Variants in ZBBX observed in about 807,000 individuals in gnomAD.
ZBBX encodes zinc finger B-box domain containing.
In ZBBX, 101 loss-of-function variants were observed where a neutral mutation model predicts 108.5. That is an observed-to-expected ratio of 0.93 (90% CI 0.79 to 1.10). The LOEUF (loss-of-function observed/expected upper bound fraction) is 1.10. Among genes scored for constraint, ZBBX ranks in the 50% least tolerant of loss-of-function variants. The pLI, the probability that ZBBX is intolerant of heterozygous loss-of-function variation, is 0.00. For synonymous variants in ZBBX, 356 were observed against 323.4 expected, an observed-to-expected ratio of 1.10 and a Z score of -1.08; for missense variants, 1,009 against 941.4, an observed-to-expected ratio of 1.07 and a Z score of -0.94.
the ZBBX span, among the ~76,000 whole-genome samples, chr3:167,229,383 C>T: frequency 2.2e-4 from 34 of 151,908 alleles, no homozygotes; most frequent in South Asian, 6.6e-3. Flanking sequence ...TTATTTTTGT[C>T]TCTATTGTCT....
the ZBBX span, among the ~76,000 whole-genome samples, chr3:167,215,061 C>T: frequency 2.0e-5 from 3 of 151,860 alleles, no homozygotes; most frequent in East Asian, 1.9e-4. Context: ...AACCTAACTT[C>T]GCAACGGAAA....
At chr3:167,342,540 T>A (rs1190656227) in intron 9 of ZBBX, among the ~76,000 whole-genome samples, 1 of 151,670 alleles carries the variant, frequency 6.6e-6, no homozygotes, top group Non-Finnish European at 1.5e-5. Context: ...CATGCATCCA[T>A]CTGTATTATT....
intron 10 of ZBBX, chr3:167,331,588 G>A (rs1414767294): frequency 2.0e-6 from 2 of 985,246 alleles, no homozygotes. Context: ...AGCTGTGGCA[G>A]GGTAGAAAAA....
In ZBBX at chr3:167,391,860, T is replaced by C. The variant is rs948110753; in HGVS notation, c.-445-11455A>G. ...TGAAGATATATTAGAATTTTATATG[T>C]AGATAAATCAAGTAAATATATATAT... On this transcript the variant is annotated intron_variant, in intron 1 of 21. Transcript: ENST00000455345. 2.6e-5 allele frequency among the ~76,000 whole-genome samples: 4 copies of C among 151,988 alleles called. No individual in the cohort carries two copies. The East Asian group carries it at 7.7e-4, about 29-fold the overall frequency.
At chr3:167,304,995 A>G (rs1733374276) in intron 17 of ZBBX, among the ~76,000 whole-genome samples, 1 of 152,112 alleles carries the variant, frequency 6.6e-6, no homozygotes, top group Non-Finnish European at 1.5e-5. Flanking sequence ...AATGACTTTT[A>G]AGCATTGTTA....
At chr3:167,249,741 G>T (rs551489816) in intron 20 of ZBBX, among the ~76,000 whole-genome samples, 30 of 152,198 alleles carry the variant, frequency 2.0e-4, no homozygotes, top group Non-Finnish European at 4.1e-4. Context: ...AACCCCAATG[G>T]ACACTCAGAA....
At chr3:167,257,461 T>C (rs1434852402) in intron 20 of ZBBX, among the ~76,000 whole-genome samples, 4 of 152,118 alleles carry the variant, frequency 2.6e-5, no homozygotes, top group African/African-American at 7.2e-5. Flanking sequence ...AGCATAGTTA[T>C]GTTTCAGGTT....
At chr3:167,212,533 C>T in the ZBBX span, among the ~76,000 whole-genome samples, 1 of 152,214 alleles carries the variant, frequency 6.6e-6, no homozygotes, top group African/African-American at 2.4e-5. Flanking sequence ...GTCCATCTCC[C>T]ATGGGACCCA....
chr3:167,374,829 C>G (rs530562660), intron 2 of ZBBX, among the ~76,000 whole-genome samples: 2 of 152,106 alleles, frequency 1.3e-5, no homozygotes, highest in Admixed American at 1.3e-4. Context: ...TTAAGTAAAG[C>G]TTTGAAGGAG....
At chr3:167,184,695 C>T in the ZBBX span, among the ~76,000 whole-genome samples, 1 of 152,028 alleles carries the variant, frequency 6.6e-6, no homozygotes, top group African/African-American at 2.4e-5. Context: ...AATGTCCTTC[C>T]ACCTCCGAAA....
intron 18 of ZBBX, among the ~76,000 whole-genome samples, chr3:167,296,258 A>ATTAC (rs1432644755): frequency 1.3e-5 from 2 of 152,122 alleles, no homozygotes; most frequent in Non-Finnish European, 2.9e-5. Flanking sequence ...GCCTCTACAC[A>ATTAC]ATAAAAGTAA....
At chr3:167,359,678 G>A (rs553065390) in intron 8 of ZBBX, among the ~76,000 whole-genome samples, 192 bp downstream of exon 8, 4 of 152,158 alleles carry the variant, frequency 2.6e-5, no homozygotes, top group African/African-American at 9.6e-5. Context: ...GAGATTCAGA[G>A]AATAAGTACA....
intron 20 of ZBBX, among the ~76,000 whole-genome samples, chr3:167,247,322 G>T (rs766426611): frequency 5.9e-5 from 9 of 152,182 alleles, no homozygotes; most frequent in Non-Finnish European, 1.3e-4. Context: ...CCAGCGGGTT[G>T]AGATGGAGTT....
At chr3:167,188,127 ACCAT>A in the ZBBX span, among the ~76,000 whole-genome samples, 13 of 152,216 alleles carry the variant, frequency 8.5e-5, no homozygotes, top group Non-Finnish European at 4.4e-5. Context: ...CAGTGGAATT[ACCAT>A]AAAAACAATT....
intron 10 of ZBBX, among the ~76,000 whole-genome samples, 195 bp from the exon 11 acceptor site, chr3:167,328,311 A>G (rs1159364109): frequency 6.6e-6 from 1 of 152,126 alleles, no homozygotes; most frequent in African/African-American, 2.4e-5. Flanking sequence ...TTAAAACTCT[A>G]TTGGCAATTA....
the ZBBX span, among the ~76,000 whole-genome samples, chr3:167,195,068 T>C: frequency 6.6e-6 from 1 of 152,166 alleles, no homozygotes; most frequent in Non-Finnish European, 1.5e-5. Flanking sequence ...TGCCATCATA[T>C]CTCTCTTAGC....
the ZBBX span, among the ~76,000 whole-genome samples, chr3:167,190,185 T>C: frequency 1.3e-5 from 2 of 152,122 alleles, no homozygotes; most frequent in East Asian, 1.9e-4. Context: ...CTAGATAGTA[T>C]AGAGGGAAAG....
chr3:167,275,707 T>G (rs58787554), intron 20 of ZBBX, among the ~76,000 whole-genome samples: 1 of 151,864 alleles, frequency 6.6e-6, no homozygotes, highest in African/African-American at 2.4e-5. Flanking sequence ...GGGGGAGGGG[T>G]GCCCGCCATT....
Position 167,282,445 on chromosome 3 carries a change from CAG to C in ZBBX, c.2045_2046del (p.Ser682CysfsTer2). The C allele has an allele frequency of 6.2e-7, 1 of 1,613,944 alleles. No homozygotes were observed. The highest frequency in any genetic ancestry group is 8.5e-7 in the Non-Finnish European group (1 of 1,179,894). On this transcript the variant is annotated frameshift_variant, in exon 20 of 22. Coordinates refer to ENST00000675490, the MANE Select transcript of ZBBX (RefSeq NM_001199201.2). LOFTEE classifies it high-confidence loss of function. ...GAAAGGCAACTGGAGCTTTCTTTAA[CAG>C]AGTTGGAAAGTGGAAAATTTGCTGT... Reference protein sequence around the residue: ...PSTANFPLSNSVKESSSCLSS... With the variant: ...PSTANFPLSNXVKESSSCLSS...
Sources: allele counts gnomAD v4.1 joint callset (sites outside exome capture counted in the v4.1 genomes callset), GRCh38; gene constraint gnomAD v4.1.1; transcripts MANE v1.5; gene names NCBI Gene and HGNC (gene_info 2026-07-23, HGNC 2026-07-21).